CLASP1: variants seen among roughly 807,000 people sequenced by gnomAD.
CLASP1 encodes cytoplasmic linker associated protein 1, also known as CLIP-associating protein 1.
In CLASP1, 38 loss-of-function variants were observed where a neutral mutation model predicts 192.3. That is an observed-to-expected ratio of 0.20 (90% CI 0.15 to 0.26). CLASP1 has a LOEUF of 0.26. Ranked by LOEUF, CLASP1 falls within the 10% of genes least tolerant of loss-of-function variation. The pLI is 1.00. For missense variants in CLASP1, 1,433 were observed against 1,932.5 expected (o/e 0.74, Z 4.85); for synonymous variants, 691 against 712.8 (o/e 0.97, Z 0.49).
intron 8 of CLASP1, among the ~76,000 whole-genome samples, chr2:121,498,937 T>C (rs771254646): frequency 6.6e-6 from 1 of 152,132 alleles, no homozygotes; most frequent in Non-Finnish European, 1.5e-5. Flanking sequence ...GGCGAGGATG[T>C]GGAGAAAGTG....
intron 16 of CLASP1, 82 bp downstream of exon 16, chr2:121,450,831 A>C (rs1313726652): frequency 4.1e-6 from 4 of 983,338 alleles, no homozygotes; most frequent in Non-Finnish European, 3.1e-6. Context: ...CAAGTAACTT[A>C]AGTTTTTAAT....
At chr2:121,599,587 CAAA>C (rs763909303) in intron 2 of CLASP1, among the ~76,000 whole-genome samples, 7 of 41,198 alleles carry the variant, frequency 1.7e-4, no homozygotes, top group Admixed American at 3.0e-4. Flanking sequence ...GACTCCATCT[CAAA>C]AAAAAAAAAA....
At chr2:121,541,898 T>C (rs2095242470) in intron 2 of CLASP1, among the ~76,000 whole-genome samples, 1 of 152,218 alleles carries the variant, frequency 6.6e-6, no homozygotes, top group Non-Finnish European at 1.5e-5. Flanking sequence ...AGCAGCACTT[T>C]TAAAAATAAT....
At chr2:121,546,555 T>A (rs1033990347) in intron 2 of CLASP1, among the ~76,000 whole-genome samples, 1 of 151,576 alleles carries the variant, frequency 6.6e-6, no homozygotes, top group East Asian at 1.9e-4. Flanking sequence ...AAGCAGTGAG[T>A]GAATATGGGA....
chr2:121,517,515 G>A (rs1258716020), intron 6 of CLASP1, among the ~76,000 whole-genome samples: 2 of 152,118 alleles, frequency 1.3e-5, no homozygotes, highest in Non-Finnish European at 2.9e-5. Context: ...AAATTCAAAT[G>A]ATGAAGCCCT....
chr2:121,387,657 G>A, intron 31 of CLASP1, 106 bp downstream of exon 32: 1 of 1,139,144 alleles, frequency 8.8e-7, no homozygotes, highest in Non-Finnish European at 1.3e-6. Flanking sequence ...GACATTTCCT[G>A]AAAGAGGACA....
chr2:121,399,415 C>T (rs2075812439), intron 28 of CLASP1, among the ~76,000 whole-genome samples: 1 of 152,170 alleles, frequency 6.6e-6, no homozygotes, highest in Non-Finnish European at 1.5e-5. Flanking sequence ...ATGTCTCTCC[C>T]TTCTTCTGGC....
At chr2:121,442,087 T>G (rs2083442814) in intron 19 of CLASP1, among the ~76,000 whole-genome samples, 1 of 152,224 alleles carries the variant, frequency 6.6e-6, no homozygotes, top group East Asian at 1.9e-4. Flanking sequence ...TTCAAAGCAC[T>G]GTAACTTTTC....
chr2:121,530,890 T>TA lies in CLASP1; in HGVS notation c.196-566_196-565insT, dbSNP rs777457137. On this transcript the variant is annotated intron_variant, in intron 2 of 39. Transcript: ENST00000263710. ...GGGACTTTCTATTATAACCATCCTT[T>TA]TCTTGGGGTTGCGCTACTGTCCAAT... 22 of 693,700 alleles carry TA rather than the reference T, an allele frequency of 3.2e-5. No individual in the cohort carries two copies. Among genetic ancestry groups the TA allele is most frequent in the Middle Eastern group, 3.7e-4 (1 of 2,718 alleles). The allele number at this position is 693,700 out of a possible 1,614,324, so 43.0% of individuals were successfully genotyped here.
At chr2:121,338,677 G>T (rs990290167) in exon 40 of CLASP1, 2 of 152,214 alleles carry the variant, frequency 1.3e-5, no homozygotes, top group African/African-American at 4.8e-5. Flanking sequence ...TGACGTGATT[G>T]TATCTCTAAG....
chr2:121,382,432 A>G (rs1036153448), intron 32 of CLASP1, 108 bp from the exon 34 acceptor site: 3 of 682,826 alleles, frequency 4.4e-6, no homozygotes, highest in East Asian at 6.0e-5. Context: ...TTTCCTTGAC[A>G]AAGTTCTATT....
intron 8 of CLASP1, among the ~76,000 whole-genome samples, chr2:121,478,759 A>AC (rs2092075046): frequency 1.5e-5 from 1 of 66,020 alleles, no homozygotes; most frequent in African/African-American, 8.4e-5. Context: ...CACCACACAC[A>AC]CACCACACAC....
At chr2:121,355,555 C>T (rs893594487) in intron 37 of CLASP1, among the ~76,000 whole-genome samples, 1 of 152,130 alleles carries the variant, frequency 6.6e-6, no homozygotes, top group African/African-American at 2.4e-5. Context: ...GAAAGTTTCC[C>T]AAGACAGACG....
chr2:121,579,094 G>C (rs1366105545), intron 2 of CLASP1, among the ~76,000 whole-genome samples: 1 of 152,094 alleles, frequency 6.6e-6, no homozygotes, highest in Non-Finnish European at 1.5e-5. Context: ...CATGTCCTTA[G>C]ACCGTCACAT....
chr2:121,345,919 C>T (rs2063398131), intron 39 of CLASP1, among the ~76,000 whole-genome samples: 3 of 152,216 alleles, frequency 2.0e-5, no homozygotes, highest in Admixed American at 2.0e-4. Flanking sequence ...TCCTACCACA[C>T]ACAGGGCAGC....
exon 37 of CLASP1, chr2:121,363,190 G>A (rs772236411): frequency 1.2e-5 from 20 of 1,613,860 alleles, no homozygotes; most frequent in Non-Finnish European, 1.6e-5. Flanking sequence ...GGGAGTCTTT[G>A]TGGGCTTCCA....
chr2:121,439,799 T>C (rs35843424), intron 19 of CLASP1, among the ~76,000 whole-genome samples: 29,735 of 149,656 alleles, frequency 0.2, 5,506 homozygotes, highest in African/African-American at 0.49. Flanking sequence ...ATGGATGAAA[T>C]TGGAAATCAT....
intron 19 of CLASP1, 32 bp downstream of exon 19, chr2:121,447,305 C>T: frequency 2.6e-6 from 4 of 1,564,116 alleles, no homozygotes; most frequent in Non-Finnish European, 3.5e-6. Context: ...CAGAGCAGTG[C>T]AGGAGGGAAA....
intron 8 of CLASP1, among the ~76,000 whole-genome samples, chr2:121,484,469 C>T (rs2092833651): frequency 6.6e-6 from 1 of 152,194 alleles, no homozygotes; most frequent in Non-Finnish European, 1.5e-5. Flanking sequence ...GTCCTGCATG[C>T]CAAAAAGTCA....
Sources: gnomAD v4.1 joint callset for allele counts (sites outside exome capture counted in the v4.1 genomes callset) on GRCh38, gnomAD v4.1.1 for gene constraint, MANE v1.5 for transcripts, NCBI Gene and HGNC (gene_info 2026-07-23, HGNC 2026-07-21) for gene names.